Variants in NID2 observed in about 807,000 individuals in gnomAD.
The protein encoded by NID2 is nidogen-2.
In NID2, 83 loss-of-function variants were observed where a neutral mutation model predicts 145.4. The ratio of observed to expected loss-of-function variants is 0.57; its 90% CI spans 0.48 to 0.69. The LOEUF (loss-of-function observed/expected upper bound fraction) is 0.69. NID2 is among the 30% of genes least tolerant of loss of function. The probability of loss-of-function intolerance (pLI) is 0.00; values close to 1 mark genes in which losing one functional copy is unlikely to be tolerated. For missense variants in NID2, 1,807 were observed against 1,765.7 expected, an observed-to-expected ratio of 1.02 and a Z score of -0.42; for synonymous variants, 739 against 701.3, an observed-to-expected ratio of 1.05 and a Z score of -0.85.
intron 12 of NID2, among the ~76,000 whole-genome samples, chr14:52,020,586 T>C (rs1891368794): frequency 6.6e-6 from 1 of 152,214 alleles, no homozygotes; most frequent in African/African-American, 2.4e-5. Flanking sequence ...ATGGTTTTTT[T>C]TTCTTTCGTT....
intron 9 of NID2, among the ~76,000 whole-genome samples, chr14:52,035,421 C>T (rs1892024433): frequency 6.6e-6 from 1 of 152,194 alleles, no homozygotes; most frequent in South Asian, 2.1e-4. Flanking sequence ...TTTTAAGTTT[C>T]CTGCATGTCT....
Position 52,015,288 on chromosome 14 carries a change from G to A in NID2, c.3029-13C>T. On this transcript the variant is annotated splice_polypyrimidine_tract_variant and intron_variant, in intron 14 of 21. Transcript: ENST00000216286. ...CTCTGGGTGGGCTCTGAGCAGATGG[G>A]GAAGAGGGAAGAAGAAAAACCTTTG... The A allele has an allele frequency of 3.1e-6, 5 of 1,593,286 alleles. No individual in the cohort carries two copies. Among genetic ancestry groups the A allele is most frequent in the Non-Finnish European group, 4.3e-6 (5 of 1,164,546 alleles).
chr14:52,042,948 A>G lies in NID2; in HGVS notation c.1430-17T>C. On this transcript the variant is annotated splice_polypyrimidine_tract_variant and intron_variant, in intron 5 of 21. Coordinates refer to ENST00000216286, the MANE Select transcript of NID2 (RefSeq NM_007361.4). ...ACGTGAAGACTGAAAAATAAAACAA[A>G]CTTGCCTTAAAAGGACTAAATGATT... 1 of 1,613,778 alleles carries G rather than the reference A, an allele frequency of 6.2e-7. No individual in the cohort carries two copies. The highest frequency in any genetic ancestry group is 8.5e-7 in the Non-Finnish European group (1 of 1,179,822).
intron 14 of NID2, among the ~76,000 whole-genome samples, chr14:52,015,477 C>G (rs1330477226): frequency 6.6e-6 from 1 of 152,174 alleles, no homozygotes; most frequent in Non-Finnish European, 1.5e-5. Flanking sequence ...AGAAATAGAT[C>G]ATGTGATGCT....
At chr14:52,051,297 T>C (rs182234082) in intron 5 of NID2, among the ~76,000 whole-genome samples, 2 of 152,330 alleles carry the variant, frequency 1.3e-5, no homozygotes, top group African/African-American at 2.4e-5. Context: ...CTAAAATGTA[T>C]TGGGCAGGGT....
chr14:52,057,782 T>C (rs1479915840), intron 3 of NID2, among the ~76,000 whole-genome samples: 1 of 150,562 alleles, frequency 6.6e-6, no homozygotes, highest in Non-Finnish European at 1.5e-5. Flanking sequence ...ATGTTTACAA[T>C]GTATAAATCT....
At position 52,010,896 on chromosome 14, in the gene NID2, G is replaced by T. The variant is rs757624317; in HGVS notation, c.3702C>A (p.Ile1234=). ...CTGACCCTCGGATTGGATCCACAGC[G>T]ATGGCACGGGGATTCACCAGATCTG... ...FYTDLVNPRA[I]AVDPIRGNLY... The change falls in exon 18 of 22, where the codon ATC becomes ATA. Residue 1234 remains isoleucine (I), a synonymous_variant. Transcript: ENST00000216286. 1.9e-6 allele frequency: 3 copies of T among 1,613,198 alleles called. No individual in the cohort carries two copies. The highest frequency in any genetic ancestry group is 2.5e-6 in the Non-Finnish European group (3 of 1,179,890).
chr14:52,030,567 A>AAGAGAAC (rs1185429260), intron 9 of NID2, among the ~76,000 whole-genome samples: 27 of 99,322 alleles, frequency 2.7e-4, no homozygotes, highest in African/African-American at 1.0e-3. Context: ...AAAGAAAGAA[A>AAGAGAAC]GGAAGGAAGG....
Position 52,006,644 on chromosome 14 carries a change from C to G in NID2, c.3897G>C (p.Glu1299Asp), listed in dbSNP as rs1890796297. The change falls in exon 20 of 22, where the codon GAG becomes GAC. Residue 1299 changes from glutamate to aspartate, a missense_variant. Physicochemically the swap from Glu to Asp is conservative, Grantham distance 45. Coordinates refer to ENST00000216286, the MANE Select transcript of NID2 (RefSeq NM_007361.4). ...CWADAGTKKL[E>D]CTLPDGTGRR... is the part of the protein sequence containing the mutation. ...GTCCAGTTCCATCAGGTAGTGTACA[C>G]TCCAGTTTTTTGGTTCCTTTTAAAA... The G allele has an allele frequency of 1.2e-6, 2 of 1,613,426 alleles. No individual in the cohort carries two copies. The highest frequency in any genetic ancestry group is 8.5e-7 in the Non-Finnish European group (1 of 1,179,602).
chr14:52,028,862 T>G lies in NID2; in HGVS notation c.2402-12A>C. On this transcript the variant is annotated splice_polypyrimidine_tract_variant and intron_variant, in intron 10 of 21. Coordinates refer to ENST00000216286, the MANE Select transcript of NID2 (RefSeq NM_007361.4). ...ACATTCATTTTCATCTAAGAAGAAATGAGAAGAGAAAAATTCTGCTTAATT... is the reference window on the plus strand; with the variant it reads ...ACATTCATTTTCATCTAAGAAGAAAGGAGAAGAGAAAAATTCTGCTTAATT... The G allele has an allele frequency of 1.2e-6, 2 of 1,611,836 alleles. No individual in the cohort carries two copies. Among genetic ancestry groups the G allele is most frequent in the Admixed American group, 3.4e-5 (2 of 59,526 alleles).
intron 9 of NID2, among the ~76,000 whole-genome samples, chr14:52,034,197 T>C (rs1891976711): frequency 6.6e-6 from 1 of 152,154 alleles, no homozygotes; most frequent in Non-Finnish European, 1.5e-5. Flanking sequence ...CCAGTTTGCT[T>C]TCTCTGATCC....
intron 14 of NID2, among the ~76,000 whole-genome samples, 190 bp downstream of exon 14, chr14:52,018,871 T>C (rs1236999711): frequency 6.6e-6 from 1 of 152,234 alleles, no homozygotes; most frequent in Non-Finnish European, 1.5e-5. Context: ...ATATGTGTCA[T>C]GTATTGCATA....
At chr14:52,012,043 T>TA (rs3030364) in intron 16 of NID2, 9,291 of 148,570 alleles carry the variant, frequency 0.063, 865 homozygotes, top group African/African-American at 0.21. Context: ...ACTGATGATT[T>TA]AAAAAAAAAA....
intron 2 of NID2, among the ~76,000 whole-genome samples, chr14:52,062,156 G>A (rs1893037103): frequency 6.6e-6 from 1 of 152,166 alleles, no homozygotes; most frequent in African/African-American, 2.4e-5. Flanking sequence ...GTAAGGTTTT[G>A]AGGTTTTGCT....
At chr14:52,029,897 G>A (rs1452744258) in intron 9 of NID2, among the ~76,000 whole-genome samples, 5 of 152,174 alleles carry the variant, frequency 3.3e-5, no homozygotes, top group Non-Finnish European at 5.9e-5. Context: ...CTACCCTATA[G>A]ACAACTAGTA....
At chr14:52,035,865 T>TATGTATATATATATAC (rs1226932483) in intron 9 of NID2, among the ~76,000 whole-genome samples, 5 of 131,266 alleles carry the variant, frequency 3.8e-5, no homozygotes, top group Non-Finnish European at 6.3e-5. Context: ...TGTATATATA[T>TATGTATATATATATAC]ATATATATAT....
At chr14:52,062,409 T>C (rs886865882) in intron 2 of NID2, among the ~76,000 whole-genome samples, 8 of 152,210 alleles carry the variant, frequency 5.3e-5, no homozygotes, top group African/African-American at 1.9e-4. Flanking sequence ...TTCTCAATAC[T>C]AGGAAGCCAC....
At chr14:52,052,310 T>A (rs1244579817) in intron 5 of NID2, among the ~76,000 whole-genome samples, 1 of 152,138 alleles carries the variant, frequency 6.6e-6, no homozygotes, top group African/African-American at 2.4e-5. Context: ...TCTCTACCCA[T>A]CCTCCACCCC....
intron 14 of NID2, among the ~76,000 whole-genome samples, chr14:52,017,557 T>C (rs373581226): frequency 6.6e-6 from 1 of 151,204 alleles, no homozygotes; most frequent in African/African-American, 2.4e-5. Context: ...TTTAAAATCA[T>C]TGTCCTTAAC....
Sources: allele counts gnomAD v4.1 joint callset (sites outside exome capture counted in the v4.1 genomes callset), GRCh38; gene constraint gnomAD v4.1.1; transcripts MANE v1.5; gene names NCBI Gene and HGNC (gene_info 2026-07-23, HGNC 2026-07-21).